Variants in AGAP1 observed in about 807,000 individuals in gnomAD.
The protein encoded by AGAP1 is ArfGAP with GTPase domain, ankyrin repeat and PH domain 1.
Under a neutral mutation model 105.3 loss-of-function variants are expected in AGAP1, and 29 were observed. The observed-to-expected ratio is 0.28, with a 90% confidence interval of 0.21 to 0.38. The LOEUF (loss-of-function observed/expected upper bound fraction) is 0.38. Ranked by LOEUF, AGAP1 falls within the 10% of genes least tolerant of loss-of-function variation. The pLI is 1.00. For synonymous variants in AGAP1, 509 were observed against 485.9 expected, an observed-to-expected ratio of 1.05 and a Z score of -0.63; for missense variants, 998 against 1,165.1, an observed-to-expected ratio of 0.86 and a Z score of 2.09.
intron 6 of AGAP1, among the ~76,000 whole-genome samples, chr2:235,755,364 G>A (rs1448762458): frequency 1.3e-5 from 2 of 152,174 alleles, no homozygotes; most frequent in Non-Finnish European, 2.9e-5. Context: ...CTAGGGCCTG[G>A]ATACATGAAC....
intron 1 of AGAP1, among the ~76,000 whole-genome samples, chr2:235,644,264 A>G (rs886985790): frequency 6.6e-6 from 1 of 152,210 alleles, no homozygotes; most frequent in Non-Finnish European, 1.5e-5. Flanking sequence ...TCCTGATTAG[A>G]TAATACTGAG....
intron 1 of AGAP1, among the ~76,000 whole-genome samples, chr2:235,696,590 G>A (rs1950008519): frequency 6.6e-6 from 1 of 152,226 alleles, no homozygotes; most frequent in Admixed American, 6.5e-5. Context: ...CCTTCTCCCA[G>A]GAGGCTGATT....
In AGAP1 at chr2:235,799,488, G is replaced by T. The variant is rs369405118; in HGVS notation, c.923G>T (p.Arg308Leu). The T allele has an allele frequency of 1.9e-6, 3 of 1,614,060 alleles. No homozygotes were observed. The highest frequency in any genetic ancestry group is 1.7e-6 in the Non-Finnish European group (2 of 1,180,026). Residue 308 changes from arginine (R) to leucine (L), a missense_variant, in exon 8 of 18, where the codon CGC (arginine) becomes CTC (leucine). Around this residue, in one of 3 missense-constraint regions of AGAP1, gnomAD observed 735 missense variants for 833.4 expected, o/e 0.88. Coordinates refer to ENST00000304032, the MANE Select transcript of AGAP1 (RefSeq NM_001037131.3). The surrounding 1 kb of genome is among the most constrained non-coding windows in gnomAD (Gnocchi z 5.0). ...ACTGCCAACACGCCCACGCCCGTTC[G>T]CAAGCAGTCTAAGCGCCGGTCCAAC... ...PPTANTPTPV[R>L]KQSKRRSNLF...
intron 1 of AGAP1, chr2:235,507,510 C>T (rs1423390938): frequency 6.6e-6 from 1 of 152,216 alleles, no homozygotes; most frequent in Non-Finnish European, 1.5e-5. Context: ...GGAACATTTC[C>T]TGAACCATCC....
Position 235,513,952 on chromosome 2 carries a change from A to T in AGAP1, c.163+19103A>T, listed in dbSNP as rs112871840. Among the ~76,000 whole-genome samples, 1,298 of 152,308 alleles carry T rather than the reference A, an allele frequency of 8.5e-3. 11 individuals carry two copies. The highest frequency in any genetic ancestry group is 0.014 in the Non-Finnish European group (960 of 68,038). ...AGAATGATTGAGCTCTTCCAAATAA[A>T]GGGCGATTTTGTAGCTTTTCAAGTT... is the stretch of plus-strand genomic sequence containing the variant. On this transcript the variant is annotated intron_variant, in intron 1 of 17. Coordinates refer to ENST00000304032, the MANE Select transcript of AGAP1 (RefSeq NM_001037131.3).
At chr2:235,948,800 A>C (rs1271047536) in intron 12 of AGAP1, among the ~76,000 whole-genome samples, 1 of 152,120 alleles carries the variant, frequency 6.6e-6, no homozygotes. Context: ...CCATCCTCCC[A>C]CTTGCCACAC....
intron 12 of AGAP1, among the ~76,000 whole-genome samples, chr2:235,939,166 A>C (rs1165753075): frequency 6.6e-6 from 1 of 152,186 alleles, no homozygotes; most frequent in Non-Finnish European, 1.5e-5. Flanking sequence ...TGATGCAGTG[A>C]GACAGGTCCC....
rs2057359047 is a variant in AGAP1, at chr2:236,035,681, C to T, written c.1646-880C>T. On this transcript the variant is annotated intron_variant, in intron 13 of 17. Coordinates refer to ENST00000304032, the MANE Select transcript of AGAP1 (RefSeq NM_001037131.3). This position sits in a 1 kb window ranked among gnomAD's most constrained non-coding sequence, Gnocchi z 4.2. ...TTATGCTTTTTGCCAGTGGTGCCTC[C>T]TCCTTTGGCGGGGACTTGGGGGCCG... Among the ~76,000 whole-genome samples the T allele has an allele frequency of 6.6e-6, 1 of 152,142 alleles. No individual in the cohort carries two copies.
At position 235,664,830 on chromosome 2, in the gene AGAP1, C is replaced by T. The variant is rs1948076139; in HGVS notation, c.164-44349C>T. Among the ~76,000 whole-genome samples, 2 of 152,096 alleles carry T rather than the reference C, an allele frequency of 1.3e-5. No individual in the cohort carries two copies. The highest frequency in any genetic ancestry group is 2.1e-4 in the South Asian group (1 of 4,820). On this transcript the variant is annotated intron_variant, in intron 1 of 17. Transcript: ENST00000304032. The surrounding 1 kb of genome is among the most constrained non-coding windows in gnomAD (Gnocchi z 5.7). ...GTTCCCATTCTCAGAGGATAAAGTA[C>T]GTGTGAGTGATGCCACCTCAACCCT...
Position 235,843,187 on chromosome 2 carries a change from C to T in AGAP1, c.1050+35856C>T, listed in dbSNP as rs994625907. On this transcript the variant is annotated intron_variant, in intron 9 of 17. Coordinates refer to ENST00000304032, the MANE Select transcript of AGAP1 (RefSeq NM_001037131.3). The surrounding 1 kb of genome is among the most constrained non-coding windows in gnomAD (Gnocchi z 5.9). ...CATCCCTGCAGGCTCCCTGTACCCCCAGCTCCCAGAACCCATCACCAGCCC... is the reference window on the plus strand; with the variant it reads ...CATCCCTGCAGGCTCCCTGTACCCCTAGCTCCCAGAACCCATCACCAGCCC... 6.6e-6 allele frequency among the ~76,000 whole-genome samples: 1 copy of T among 150,892 alleles called. No individual in the cohort carries two copies. Among genetic ancestry groups the T allele is most frequent in the African/African-American group, 2.4e-5 (1 of 41,294 alleles).
At chr2:235,630,990 A>G (rs1297069671) in intron 1 of AGAP1, among the ~76,000 whole-genome samples, 1 of 152,150 alleles carries the variant, frequency 6.6e-6, no homozygotes, top group African/African-American at 2.4e-5. Context: ...CATATTGTGA[A>G]CACATTCTCT....
intron 13 of AGAP1, among the ~76,000 whole-genome samples, chr2:235,995,933 T>C (rs2055793158): frequency 6.6e-6 from 1 of 152,132 alleles, no homozygotes; most frequent in African/African-American, 2.4e-5. Context: ...GTGCAGTAGG[T>C]CTGGAGGTCA....
intron 13 of AGAP1, among the ~76,000 whole-genome samples, chr2:236,008,574 T>G (rs1366639548): frequency 1.3e-5 from 2 of 152,194 alleles, no homozygotes; most frequent in African/African-American, 4.8e-5. Context: ...CCTGTACCCT[T>G]GATCTCCACT....
intron 9 of AGAP1, among the ~76,000 whole-genome samples, chr2:235,839,750 A>G (rs1476040663): frequency 3.9e-5 from 6 of 152,212 alleles, no homozygotes; most frequent in Admixed American, 3.9e-4. Context: ...AGGGGCTCCT[A>G]CGTGTACCTC....
At chr2:235,871,112 G>A (rs2049415212) in intron 9 of AGAP1, among the ~76,000 whole-genome samples, 1 of 152,176 alleles carries the variant, frequency 6.6e-6, no homozygotes. Flanking sequence ...CCATTGAAGG[G>A]GTCCTCATTC....
intron 1 of AGAP1, among the ~76,000 whole-genome samples, chr2:235,513,240 C>CCGGGCGCGGGTG (rs1553555376): frequency 2.4e-4 from 36 of 151,494 alleles, no homozygotes; most frequent in African/African-American, 8.5e-4. Flanking sequence ...GATCACTGTG[C>CCGGGCGCGGGTG]CGGGCGCGGG....
At chr2:235,674,421 G>A (rs989210391) in intron 1 of AGAP1, among the ~76,000 whole-genome samples, 5 of 152,228 alleles carry the variant, frequency 3.3e-5, no homozygotes, top group Admixed American at 2.6e-4. Context: ...CCCAGTGGAT[G>A]CCGTCTGGGC....
At chr2:235,878,371 G>A (rs978815974) in intron 9 of AGAP1, among the ~76,000 whole-genome samples, 13 of 152,148 alleles carry the variant, frequency 8.5e-5, no homozygotes, top group East Asian at 1.9e-4. Flanking sequence ...ATCTGGCCAC[G>A]TGGGACCCTC....
chr2:235,964,802 C>T lies in AGAP1; in HGVS notation c.1484-3660C>T, dbSNP rs545969027. ...ATGGGACAGCTTAAAAGGTGAAAGT[C>T]TGGGAGGAGAAGGACCTCGTGGAGC... On this transcript the variant is annotated intron_variant, in intron 12 of 17. Coordinates refer to ENST00000304032, the MANE Select transcript of AGAP1 (RefSeq NM_001037131.3). This position sits in a 1 kb window ranked among gnomAD's most constrained non-coding sequence, Gnocchi z 4.6. Among the ~76,000 whole-genome samples, 121 of 152,142 alleles carry T rather than the reference C, an allele frequency of 8.0e-4. No individual in the cohort carries two copies. The highest frequency in any genetic ancestry group is 2.9e-3 in the African/African-American group (120 of 41,506).
Sources: allele counts gnomAD v4.1 joint callset (sites outside exome capture counted in the v4.1 genomes callset), GRCh38; gene constraint gnomAD v4.1.1; regional missense constraint gnomAD v4.1.1; non-coding constraint Gnocchi (gnomAD v3.1); transcripts MANE v1.5; gene names NCBI Gene and HGNC (gene_info 2026-07-23, HGNC 2026-07-21).